EPB41L2: variants seen among roughly 807,000 people sequenced by gnomAD.
The protein encoded by EPB41L2 is erythrocyte membrane protein band 4.1 like 2.
A neutral mutation model predicts 113.0 loss-of-function variants in EPB41L2; 43 were observed. The observed-to-expected ratio is 0.38, with a 90% CI of 0.30 to 0.49. EPB41L2 has a LOEUF of 0.49. EPB41L2 is among the 20% of genes least tolerant of loss of function. The pLI is 0.95. For missense variants in EPB41L2, 1,147 were observed against 1,223.4 expected (o/e 0.94, Z 0.93); for synonymous variants, 442 against 436.7 (o/e 1.01, Z -0.15).
chr6:130,965,369 G>A (rs1404461119), intron 1 of EPB41L2, among the ~76,000 whole-genome samples: 2 of 152,118 alleles, frequency 1.3e-5, no homozygotes, highest in Admixed American at 1.3e-4. Flanking sequence ...ATCACACAAT[G>A]AATGGTCCTT....
At chr6:130,867,960 ACACACACACACACTCTCT>A (rs1562337836) in intron 15 of EPB41L2, 4 of 165,554 alleles carry the variant, frequency 2.4e-5, no homozygotes, top group East Asian at 3.4e-4. Context: ...ACACACACAC[ACACACACACACACTCTCT>A]CTCTCTCTCT....
chr6:130,893,304 G>T (rs1306264637), intron 10 of EPB41L2, among the ~76,000 whole-genome samples: 2 of 152,196 alleles, frequency 1.3e-5, no homozygotes, highest in East Asian at 3.9e-4. Context: ...GCAGAGGAAT[G>T]ATTATCTCCT....
intron 4 of EPB41L2, among the ~76,000 whole-genome samples, chr6:130,915,911 G>A (rs962140695): frequency 3.3e-5 from 5 of 152,166 alleles, no homozygotes; most frequent in African/African-American, 1.2e-4. Flanking sequence ...ATGTGGAATT[G>A]TAAACCTCTT....
intron 1 of EPB41L2, among the ~76,000 whole-genome samples, chr6:130,980,101 G>C (rs773912660): frequency 5.3e-5 from 8 of 152,154 alleles, no homozygotes; most frequent in Admixed American, 3.3e-4. Flanking sequence ...TTGCTTCAGG[G>C]AACAATAAGG....
chr6:131,029,295 TG>T (rs1791542496), intron 1 of EPB41L2, among the ~76,000 whole-genome samples: 1 of 151,992 alleles, frequency 6.6e-6, no homozygotes, highest in Admixed American at 6.6e-5. Flanking sequence ...GGAATACTGA[TG>T]TTTTTTTCTG....
At chr6:130,970,186 A>G (rs1776417231) in intron 1 of EPB41L2, 1 of 152,172 alleles carries the variant, frequency 6.6e-6, no homozygotes, top group South Asian at 2.1e-4. Context: ...TTTCAATAGC[A>G]AACTTCCTCC....
At chr6:130,858,409 T>C (rs1351828547) in intron 18 of EPB41L2, 166 bp from the exon 19 acceptor site, 2 of 527,570 alleles carry the variant, frequency 3.8e-6, no homozygotes, top group Non-Finnish European at 6.8e-6. Context: ...ACTGTCATTT[T>C]ACAGACTGCT....
intron 5 of EPB41L2, among the ~76,000 whole-genome samples, chr6:130,908,527 T>A (rs900942162): frequency 2.0e-5 from 3 of 151,960 alleles, no homozygotes; most frequent in African/African-American, 7.3e-5. Context: ...ACATAGAAAG[T>A]AAAATTTACA....
intron 1 of EPB41L2, chr6:131,013,627 T>TGGAAAACACAGCTGGAA (rs1787544524): frequency 6.6e-6 from 1 of 152,216 alleles, no homozygotes; most frequent in Non-Finnish European, 1.5e-5. Context: ...AGCCACAAGC[T>TGGAAAACACAGCTGGAA]ACTACAGATT....
rs2128462133 is a variant in EPB41L2 at position 130,878,179 on chromosome 6, C to CA, written c.1967dup (p.Met656IlefsTer6). On this transcript the variant is annotated frameshift_variant, in exon 14 of 20. Transcript: ENST00000337057. LOFTEE classifies it high-confidence loss of function. Reference sequence around the variant, plus strand: ...TAGGGCGCGGCTCAGGTGTGGATTCCATAAAATTGCGCTTGAGTTCACTAA... The same window carrying CA: ...TAGGGCGCGGCTCAGGTGTGGATTCCAATAAAATTGCGCTTGAGTTCACTAA... 6.2e-7 allele frequency: 1 copy of CA among 1,613,352 alleles called. No homozygotes were observed. Among genetic ancestry groups the CA allele is most frequent in the East Asian group, 2.2e-5 (1 of 44,840 alleles).
At chr6:130,879,059 G>A (rs1017199856) in intron 13 of EPB41L2, among the ~76,000 whole-genome samples, 3 of 152,012 alleles carry the variant, frequency 2.0e-5, no homozygotes, top group Admixed American at 6.5e-5. Context: ...AATTTTTTTC[G>A]ACTGGCTCTC....
chr6:130,985,446 G>A (rs778700841), intron 1 of EPB41L2, among the ~76,000 whole-genome samples: 17 of 152,084 alleles, frequency 1.1e-4, no homozygotes, highest in South Asian at 6.2e-4. Flanking sequence ...ACAAGAACTC[G>A]GGAACCAGTG....
intron 1 of EPB41L2, among the ~76,000 whole-genome samples, chr6:131,058,770 C>G (rs1289951255): frequency 2.0e-5 from 3 of 152,208 alleles, no homozygotes; most frequent in African/African-American, 4.8e-5. Context: ...AATCCCAACA[C>G]TTTGGGAGGC....
At chr6:130,856,471 C>A (rs1239438623) in intron 19 of EPB41L2, among the ~76,000 whole-genome samples, 1 of 152,112 alleles carries the variant, frequency 6.6e-6, no homozygotes, top group African/African-American at 2.4e-5. Context: ...ACAAGAATGG[C>A]TAATAACCAT....
At chr6:130,907,564 CAGG>C (rs201786608) in intron 5 of EPB41L2, among the ~76,000 whole-genome samples, 1,980 of 152,084 alleles carry the variant, frequency 0.013, 38 homozygotes, top group African/African-American at 0.044. Context: ...CTGGGCAAAT[CAGG>C]AGGTTGGTCA....
intron 1 of EPB41L2, among the ~76,000 whole-genome samples, chr6:130,983,267 C>T (rs778476143): frequency 3.9e-5 from 6 of 152,222 alleles, no homozygotes; most frequent in Non-Finnish European, 7.3e-5. Flanking sequence ...TTTAATGTTA[C>T]TGGCTAGATA....
chr6:131,030,886 G>A (rs1178560123), intron 1 of EPB41L2, among the ~76,000 whole-genome samples: 5 of 150,190 alleles, frequency 3.3e-5, no homozygotes, highest in South Asian at 4.2e-4. Flanking sequence ...GGACCAGCCC[G>A]AGCAACATGG....
At chr6:130,864,229 A>G (rs977772347) in intron 17 of EPB41L2, among the ~76,000 whole-genome samples, 2 of 152,172 alleles carry the variant, frequency 1.3e-5, no homozygotes, top group African/African-American at 4.8e-5. Flanking sequence ...ATCACAGAAG[A>G]CTTCTGTATG....
intron 8 of EPB41L2, among the ~76,000 whole-genome samples, chr6:130,896,570 G>A (rs116228958): frequency 3.2e-4 from 49 of 152,350 alleles, no homozygotes; most frequent in African/African-American, 9.9e-4. Flanking sequence ...GGACAAGGAA[G>A]CTATTTTATC....
Sources: allele counts gnomAD v4.1 joint callset (sites outside exome capture counted in the v4.1 genomes callset), GRCh38; gene constraint gnomAD v4.1.1; transcripts MANE v1.5; gene names NCBI Gene and HGNC (gene_info 2026-07-23, HGNC 2026-07-21).